Variants in PPP2R2C observed in about 807,000 individuals in gnomAD.
The protein encoded by PPP2R2C is protein phosphatase 2, regulatory subunit B, gamma.
In PPP2R2C, 10 loss-of-function variants were observed where a neutral mutation model predicts 45.3. That is an observed-to-expected ratio of 0.22 (90% CI 0.14 to 0.37). PPP2R2C has a LOEUF of 0.37. Ranked by LOEUF, PPP2R2C falls within the 10% of genes least tolerant of loss-of-function variation. The pLI is 1.00. For missense variants in PPP2R2C, 308 were observed against 619.7 expected (o/e 0.50, Z 5.34); for synonymous variants, 257 against 245.4 (o/e 1.05, Z -0.44).
intron 1 of PPP2R2C, among the ~76,000 whole-genome samples, chr4:6,548,622 C>G (rs576576312): frequency 6.6e-6 from 1 of 152,294 alleles, no homozygotes; most frequent in Non-Finnish European, 1.5e-5. Context: ...GACAGCCATG[C>G]AAGTGTGACT....
At chr4:6,383,158 G>T in intron 1 of PPP2R2C, 2 of 1,171,186 alleles carry the variant, frequency 1.7e-6, no homozygotes, top group South Asian at 3.3e-5. Flanking sequence ...CAACGCCTCT[G>T]GCGGTACCAG....
chr4:6,549,170 C>T (rs947516913), intron 1 of PPP2R2C, among the ~76,000 whole-genome samples: 1 of 152,198 alleles, frequency 6.6e-6, no homozygotes, highest in Non-Finnish European at 1.5e-5. Flanking sequence ...AAAGTCATCC[C>T]CTGGTTCTCA....
rs553232026 is a variant in PPP2R2C, at chr4:6,457,434, C to T, written c.70+14726G>A. Among the ~76,000 whole-genome samples the T allele has an allele frequency of 5.9e-5, 9 of 152,118 alleles. No homozygotes were observed. In the South Asian group the frequency reaches 1.9e-3, roughly 32 times the overall value. ...TCACCCAGGCTGGAGTACAGTGGTG[C>T]AATCATAGCTCACTGCAGCCTCAAC... On this transcript the variant is annotated intron_variant, in intron 1 of 8. Coordinates refer to ENST00000382599, the MANE Select transcript of PPP2R2C (RefSeq NM_020416.4).
At chr4:6,325,905 C>T (rs1731899851) in intron 8 of PPP2R2C, among the ~76,000 whole-genome samples, 1 of 152,146 alleles carries the variant, frequency 6.6e-6, no homozygotes, top group African/African-American at 2.4e-5. Context: ...GCCCTCGCCA[C>T]CCGTGGCGCC....
At chr4:6,440,160 C>G (rs1418375245) in intron 1 of PPP2R2C, among the ~76,000 whole-genome samples, 1 of 152,114 alleles carries the variant, frequency 6.6e-6, no homozygotes, top group Non-Finnish European at 1.5e-5. Context: ...TGGGTATGAC[C>G]ATAGGGACCA....
intron 2 of PPP2R2C, among the ~76,000 whole-genome samples, chr4:6,514,511 C>T (rs1723772683): frequency 6.6e-6 from 1 of 152,100 alleles, no homozygotes; most frequent in African/African-American, 2.4e-5. Flanking sequence ...AGTGGCTGGC[C>T]CCAGGGCCCT....
chr4:6,529,365 G>A (rs1320005341), intron 2 of PPP2R2C, among the ~76,000 whole-genome samples: 5 of 152,228 alleles, frequency 3.3e-5, no homozygotes, highest in East Asian at 1.9e-4. Context: ...CACCTGAGCC[G>A]CCCACCTAAG....
At chr4:6,333,801 T>G in intron 6 of PPP2R2C, 70 bp from the exon 7 acceptor site, 1 of 1,550,230 alleles carries the variant, frequency 6.5e-7, no homozygotes, top group Non-Finnish European at 8.9e-7. Context: ...GACGGATGAC[T>G]CTGTTTTGCA....
At chr4:6,360,967 T>C (rs1553888019) in intron 5 of PPP2R2C, among the ~76,000 whole-genome samples, 2 of 152,182 alleles carry the variant, frequency 1.3e-5, no homozygotes, top group South Asian at 2.1e-4. Flanking sequence ...CACCTCTTCT[T>C]ATAAGAACAC....
chr4:6,442,938 C>A (rs1720225522), intron 1 of PPP2R2C, among the ~76,000 whole-genome samples: 1 of 152,194 alleles, frequency 6.6e-6, no homozygotes, highest in African/African-American at 2.4e-5. Context: ...GGCACCCATT[C>A]CCCCCATCAC....
intron 2 of PPP2R2C, among the ~76,000 whole-genome samples, chr4:6,479,408 C>A (rs1289710843): frequency 1.4e-5 from 2 of 141,060 alleles, no homozygotes; most frequent in African/African-American, 2.5e-5. Flanking sequence ...GACGAAAGCC[C>A]ACCCACCCCA....
In PPP2R2C at chr4:6,323,130, G is replaced by C. The variant is rs1196154126; in HGVS notation, c.*172C>G. 4.5e-6 allele frequency: 3 copies of C among 670,324 alleles called. No individual in the cohort carries two copies. In the African/African-American group the frequency reaches 5.5e-5, roughly 12 times the overall value. 41.5% of individuals were successfully genotyped at this position (670,324 alleles called of 1,614,324 possible). A position where few individuals can be genotyped will look rare whatever the true frequency, so the allele number is the denominator to read the frequency against. On this transcript the variant is annotated 3_prime_UTR_variant, in exon 9 of 9. Coordinates refer to ENST00000382599, the MANE Select transcript of PPP2R2C (RefSeq NM_020416.4). The stretch of plus-strand genomic sequence containing the variant: ...ACTGCCAAACACAATTCTGGCCTAG[G>C]AAAGCTGGGGCAGGGAGGGGGCCCA...
intron 2 of PPP2R2C, among the ~76,000 whole-genome samples, chr4:6,495,093 T>A (rs548146228): frequency 2.0e-5 from 3 of 152,290 alleles, no homozygotes; most frequent in African/African-American, 7.2e-5. Flanking sequence ...GCCCTGCCTC[T>A]CCTACCCATC....
At chr4:6,552,158 C>A (rs1231935778) in intron 1 of PPP2R2C, among the ~76,000 whole-genome samples, 1 of 152,228 alleles carries the variant, frequency 6.6e-6, no homozygotes, top group Non-Finnish European at 1.5e-5. Context: ...TTCCATGGCA[C>A]CTGCTCTGAA....
At chr4:6,556,969 G>T (rs1411557846) in intron 1 of PPP2R2C, among the ~76,000 whole-genome samples, 2 of 152,116 alleles carry the variant, frequency 1.3e-5, no homozygotes, top group African/African-American at 4.8e-5. Flanking sequence ...AAGACTCCCC[G>T]GCAGAGATCC....
At chr4:6,548,142 C>T (rs994249680) in intron 1 of PPP2R2C, among the ~76,000 whole-genome samples, 41 of 152,208 alleles carry the variant, frequency 2.7e-4, no homozygotes, top group African/African-American at 4.6e-4. Context: ...TGCTTGAACC[C>T]GGGAGGCAGG....
intron 1 of PPP2R2C, among the ~76,000 whole-genome samples, chr4:6,432,085 T>C (rs1719654101): frequency 1.3e-5 from 2 of 152,162 alleles, no homozygotes; most frequent in Non-Finnish European, 2.9e-5. Flanking sequence ...AAGGCTTAAT[T>C]TCAATATACG....
chr4:6,535,235 G>A (rs943079156), intron 2 of PPP2R2C: 48 of 1,534,366 alleles, frequency 3.1e-5, no homozygotes, highest in Middle Eastern at 3.4e-4. Context: ...CAAGCTCACC[G>A]GCGCTGCTGC....
intron 1 of PPP2R2C, among the ~76,000 whole-genome samples, chr4:6,462,009 C>T (rs546235735): frequency 6.6e-6 from 1 of 152,352 alleles, no homozygotes; most frequent in African/African-American, 2.4e-5. Context: ...ACCCCCAGCT[C>T]AGATGTGGTC....
Sources: allele counts gnomAD v4.1 joint callset (sites outside exome capture counted in the v4.1 genomes callset), GRCh38; gene constraint gnomAD v4.1.1; transcripts MANE v1.5; gene names NCBI Gene and HGNC (gene_info 2026-07-23, HGNC 2026-07-21).